Variants in LGSN observed in about 807,000 individuals in gnomAD.
The protein encoded by LGSN is lengsin.
A neutral mutation model predicts 19.5 loss-of-function variants in LGSN; 21 were observed. That is an observed-to-expected ratio of 1.07 (90% confidence interval 0.76 to 1.55). The LOEUF is 1.55. Among genes scored for constraint, LGSN ranks in the 40% most tolerant of loss-of-function variants. The probability of loss-of-function intolerance (pLI) is 0.00; values close to 1 mark genes in which losing one functional copy is unlikely to be tolerated. For synonymous variants in LGSN, 257 were observed against 215.6 expected, an observed-to-expected ratio of 1.19 and a Z score of -1.68; for missense variants, 673 against 608.5, an observed-to-expected ratio of 1.11 and a Z score of -1.12.
chr6:63,419,616 G>T, the LGSN span, among the ~76,000 whole-genome samples: 1 of 152,040 alleles, frequency 6.6e-6, no homozygotes, highest in East Asian at 1.9e-4. Context: ...CGGCCTGGCA[G>T]GGTGGCTCAC....
At chr6:63,546,482 G>C in the LGSN span, among the ~76,000 whole-genome samples, 1 of 152,196 alleles carries the variant, frequency 6.6e-6, no homozygotes, top group African/African-American at 2.4e-5. Context: ...AAGGCAGGTG[G>C]ATCACTTGAG....
chr6:63,471,909 C>A, the LGSN span, among the ~76,000 whole-genome samples: 1 of 152,098 alleles, frequency 6.6e-6, no homozygotes, highest in African/African-American at 2.4e-5. Flanking sequence ...AAATCACATT[C>A]TCTCTCTACC....
chr6:63,322,515 C>G (rs1769108504), upstream of LGSN, among the ~76,000 whole-genome samples: 1 of 152,136 alleles, frequency 6.6e-6, no homozygotes, highest in Non-Finnish European at 1.5e-5. Context: ...GTTCTAGAAG[C>G]TGCATGGGTT....
the LGSN span, among the ~76,000 whole-genome samples, chr6:63,508,761 A>C: frequency 2.0e-5 from 3 of 151,818 alleles, no homozygotes; most frequent in Admixed American, 6.6e-5. Flanking sequence ...TACTAAAAAA[A>C]CAAAAAAATT....
the LGSN span, among the ~76,000 whole-genome samples, chr6:63,376,466 CCT>C: frequency 1.3e-5 from 2 of 152,120 alleles, no homozygotes; most frequent in African/African-American, 4.8e-5. Flanking sequence ...AAGAGCAAGC[CCT>C]CTGTCTACTG....
chr6:63,495,037 A>G, the LGSN span, among the ~76,000 whole-genome samples: 1 of 152,158 alleles, frequency 6.6e-6, no homozygotes, highest in South Asian at 2.1e-4. Context: ...TTCATTGTCT[A>G]TTAACCTATA....
At chr6:63,500,668 G>A in the LGSN span, among the ~76,000 whole-genome samples, 8 of 151,968 alleles carry the variant, frequency 5.3e-5, no homozygotes, top group East Asian at 1.9e-4. Flanking sequence ...TGATCCACCC[G>A]CCTCGGCCTC....
At chr6:63,347,099 A>G in the LGSN span, among the ~76,000 whole-genome samples, 1 of 152,160 alleles carries the variant, frequency 6.6e-6, no homozygotes, top group Non-Finnish European at 1.5e-5. Context: ...GCTCTGTGCC[A>G]CCAGAGACAC....
chr6:63,396,625 T>C, the LGSN span: 1 of 153,134 alleles, frequency 6.5e-6, no homozygotes, highest in Non-Finnish European at 1.5e-5. Context: ...TACCCCTCCC[T>C]TGGGGGCTTA....
At chr6:63,341,708 T>A in the LGSN span, among the ~76,000 whole-genome samples, 3 of 152,092 alleles carry the variant, frequency 2.0e-5, no homozygotes, top group Non-Finnish European at 4.4e-5. Flanking sequence ...CATTTGAGAA[T>A]GTCAGTGGGG....
At chr6:63,312,646 T>C (rs1768677450) in intron 1 of LGSN, among the ~76,000 whole-genome samples, 1 of 152,174 alleles carries the variant, frequency 6.6e-6, no homozygotes, top group East Asian at 1.9e-4. Flanking sequence ...CCTTGTAGAA[T>C]TGAGAAACAC....
chr6:63,374,492 T>C, the LGSN span, among the ~76,000 whole-genome samples: 1 of 152,186 alleles, frequency 6.6e-6, no homozygotes, highest in African/African-American at 2.4e-5. Flanking sequence ...ATTCCCAAGA[T>C]GTTAAAATGA....
the LGSN span, among the ~76,000 whole-genome samples, chr6:63,508,410 T>A: frequency 2.0e-5 from 3 of 152,134 alleles, no homozygotes; most frequent in Non-Finnish European, 2.9e-5. Flanking sequence ...ATAAAATTTT[T>A]TAAAACCACC....
the LGSN span, among the ~76,000 whole-genome samples, chr6:63,397,974 G>C: frequency 1.3e-5 from 2 of 151,892 alleles, 1 homozygote; most frequent in South Asian, 4.2e-4. Context: ...TAATGAAGCT[G>C]AAAAAATTTT....
chr6:63,312,494 A>C (rs996580621), intron 1 of LGSN, among the ~76,000 whole-genome samples: 1 of 152,180 alleles, frequency 6.6e-6, no homozygotes, highest in Non-Finnish European at 1.5e-5. Context: ...ATCTCACCTA[A>C]TGCTTCATTA....
At chr6:63,364,650 C>T in the LGSN span, among the ~76,000 whole-genome samples, 1 of 152,090 alleles carries the variant, frequency 6.6e-6, no homozygotes, top group Non-Finnish European at 1.5e-5. Flanking sequence ...TCAGAACCAG[C>T]TCACACTTAT....
At chr6:63,534,072 G>A in the LGSN span, among the ~76,000 whole-genome samples, 2 of 151,950 alleles carry the variant, frequency 1.3e-5, no homozygotes, top group Non-Finnish European at 2.9e-5. Context: ...AGAAATTCTG[G>A]CCTCAAGTGA....
the LGSN span, among the ~76,000 whole-genome samples, chr6:63,358,231 T>C: frequency 3.3e-5 from 5 of 152,262 alleles, no homozygotes; most frequent in African/African-American, 1.2e-4. Flanking sequence ...TTTTGGTTAC[T>C]GTAGCCTTGT....
At chr6:63,448,674 T>C in the LGSN span, among the ~76,000 whole-genome samples, 1 of 152,122 alleles carries the variant, frequency 6.6e-6, no homozygotes, top group Non-Finnish European at 1.5e-5. Flanking sequence ...TTTGTTATTG[T>C]TGTTTTTGTA....
Sources: allele counts gnomAD v4.1 joint callset (sites outside exome capture counted in the v4.1 genomes callset), GRCh38; gene constraint gnomAD v4.1.1; transcripts MANE v1.5; gene names NCBI Gene and HGNC (gene_info 2026-07-23, HGNC 2026-07-21).